The following PDXDC1 variants were observed in gnomAD, a reference collection of about 807,000 sequenced individuals.
PDXDC1 encodes pyridoxal dependent decarboxylase domain containing 1.
A neutral mutation model predicts 100.1 loss-of-function variants in PDXDC1; 42 were observed. The ratio of observed to expected loss-of-function variants is 0.42; its 90% CI spans 0.33 to 0.54. The LOEUF (loss-of-function observed/expected upper bound fraction) is 0.54, where lower values mean the gene tolerates loss of function less well. PDXDC1 is among the 20% of genes least tolerant of loss of function. PDXDC1 has a pLI of 0.10. For synonymous variants in PDXDC1, 260 were observed against 371.7 expected, an observed-to-expected ratio of 0.70 and a Z score of 3.46; for missense variants, 636 against 979.2, an observed-to-expected ratio of 0.65 and a Z score of 4.68.
intron 16 of PDXDC1, among the ~76,000 whole-genome samples, chr16:15,054,556 C>G: frequency 6.6e-6 from 1 of 152,178 alleles, no homozygotes; most frequent in East Asian, 1.9e-4. Flanking sequence ...AGTGACACGC[C>G]ACCACGCCTA....
chr16:15,097,829 A>G (rs974252285), intron 16 of PDXDC1, among the ~76,000 whole-genome samples: 4 of 151,710 alleles, frequency 2.6e-5, no homozygotes, highest in African/African-American at 9.7e-5. Context: ...TTGAATAATT[A>G]TCATATTTAT....
At chr16:15,140,447 C>CAAAAA (rs888007915), downstream of PDXDC1, among the ~76,000 whole-genome samples, 10 of 38,912 alleles carry the variant, frequency 2.6e-4, no homozygotes, top group Admixed American at 4.9e-4. Context: ...AGCTCCATCT[C>CAAAAA]AAAAAAAAAA....
At chr16:15,012,307 G>T (rs1212727191) in intron 8 of PDXDC1, among the ~76,000 whole-genome samples, 1 of 152,146 alleles carries the variant, frequency 6.6e-6, no homozygotes, top group Non-Finnish European at 1.5e-5. Flanking sequence ...GTTTCACCGT[G>T]TTGGCCAGGC....
At chr16:15,051,705 T>A (rs2044297536) in intron 16 of PDXDC1, among the ~76,000 whole-genome samples, 1 of 149,462 alleles carries the variant, frequency 6.7e-6, no homozygotes, top group African/African-American at 2.5e-5. Flanking sequence ...TTAATTTTTT[T>A]TTTTTTTTTT....
At chr16:15,071,224 G>A in intron 16 of PDXDC1, 3 of 1,610,556 alleles carry the variant, frequency 1.9e-6, no homozygotes, top group Non-Finnish European at 2.5e-6. Context: ...TTTTTCCAGA[G>A]ATGTTCCAAA....
intron 3 of PDXDC1, among the ~76,000 whole-genome samples, chr16:15,000,349 C>T (rs540749713): frequency 1.2e-4 from 19 of 152,394 alleles, no homozygotes; most frequent in Admixed American, 3.9e-4. Context: ...CCATAACGTC[C>T]GGCTTGGCAA....
chr16:15,133,282 C>T, intron 16 of PDXDC1: 1 of 1,581,588 alleles, frequency 6.3e-7, no homozygotes, highest in East Asian at 2.2e-5. Context: ...GGACGGTGAC[C>T]AGGGCCAGCG....
At chr16:14,991,729 C>A (rs937146464) in intron 1 of PDXDC1, among the ~76,000 whole-genome samples, 2 of 152,284 alleles carry the variant, frequency 1.3e-5, no homozygotes, top group Non-Finnish European at 2.9e-5. Flanking sequence ...GCCATGTTGC[C>A]CAGGCTCATC....
the PDXDC1 span, among the ~76,000 whole-genome samples, chr16:15,147,515 G>C: frequency 6.6e-6 from 1 of 152,162 alleles, no homozygotes; most frequent in African/African-American, 2.4e-5. Flanking sequence ...CGGGGAGAGG[G>C]TGCGGACTCT....
At chr16:15,150,446 C>T in the PDXDC1 span, among the ~76,000 whole-genome samples, 1 of 151,426 alleles carries the variant, frequency 6.6e-6, no homozygotes, top group African/African-American at 2.4e-5. Context: ...AAGCAGATCA[C>T]CTAAGGCCAA....
intron 16 of PDXDC1, among the ~76,000 whole-genome samples, chr16:15,102,398 G>C (rs2046587564): frequency 1.3e-5 from 2 of 152,200 alleles, no homozygotes; most frequent in East Asian, 3.9e-4. Context: ...AGGGGCTTGT[G>C]CCTGGGCTGA....
rs2043470693 is a variant in PDXDC1 at position 15,036,633 on chromosome 16, C to T, written c.*358C>T. The T allele has an allele frequency of 7.3e-6, 2 of 272,882 alleles. No homozygotes were observed. The highest frequency in any genetic ancestry group is 1.4e-5 in the Non-Finnish European group (2 of 143,638). 16.9% of individuals were successfully genotyped at this position (272,882 alleles called of 1,614,324 possible). A position where few individuals can be genotyped will look rare whatever the true frequency, so the allele number is the denominator to read the frequency against. ...TGCCCGTGGCAACTTTTTGGTAAAACAGCTTTTCATTAGCACTCTCCAGGT... is the reference window on the plus strand; with the variant it reads ...TGCCCGTGGCAACTTTTTGGTAAAATAGCTTTTCATTAGCACTCTCCAGGT... On this transcript the variant is annotated 3_prime_UTR_variant, in exon 23 of 23. Coordinates refer to ENST00000396410, the MANE Select transcript of PDXDC1 (RefSeq NM_015027.4).
chr16:14,984,496 T>TATATATATATATATATATATATATA, intron 1 of PDXDC1, among the ~76,000 whole-genome samples: 1 of 51,226 alleles, frequency 2.0e-5, no homozygotes, highest in Admixed American at 3.5e-4. Context: ...TATATATATA[T>TATATATATATATATATATATATATA]TTTTTTTTTT....
At chr16:15,139,780 C>T (rs1218369550), downstream of PDXDC1, among the ~76,000 whole-genome samples, 2 of 151,334 alleles carry the variant, frequency 1.3e-5, no homozygotes, top group Non-Finnish European at 2.9e-5. Flanking sequence ...GACCCGGTCT[C>T]GAAAGAAAAG....
At chr16:15,128,280 C>G in intron 16 of PDXDC1, 3 of 1,610,978 alleles carry the variant, frequency 1.9e-6, no homozygotes, top group Middle Eastern at 2.3e-4. Context: ...GGGTGGCGAT[C>G]CGGAAGATGT....
chr16:15,010,566 A>T (rs1268711821), intron 8 of PDXDC1, among the ~76,000 whole-genome samples: 1 of 152,290 alleles, frequency 6.6e-6, no homozygotes, highest in African/African-American at 2.4e-5. Context: ...TGTCACACTT[A>T]AATATCTACC....
chr16:15,063,925 G>T (rs1029933799), intron 16 of PDXDC1, among the ~76,000 whole-genome samples: 1 of 152,020 alleles, frequency 6.6e-6, no homozygotes, highest in African/African-American at 2.4e-5. Flanking sequence ...AAATGAAACC[G>T]TAATATTCTG....
intron 16 of PDXDC1, among the ~76,000 whole-genome samples, chr16:15,078,956 T>C (rs1469288234): frequency 6.6e-6 from 1 of 151,808 alleles, no homozygotes; most frequent in Non-Finnish European, 1.5e-5. Context: ...GGACTATAGG[T>C]GCCCACCACC....
At chr16:15,055,301 AG>A (rs2044462722) in intron 16 of PDXDC1, among the ~76,000 whole-genome samples, 1 of 152,228 alleles carries the variant, frequency 6.6e-6, no homozygotes, top group Non-Finnish European at 1.5e-5. Flanking sequence ...CCCGTGCATC[AG>A]GGCGTGGTCC....
Sources: allele counts gnomAD v4.1 joint callset (sites outside exome capture counted in the v4.1 genomes callset), GRCh38; gene constraint gnomAD v4.1.1; transcripts MANE v1.5; gene names NCBI Gene and HGNC (gene_info 2026-07-23, HGNC 2026-07-21).